Variants in PTPRD observed in about 807,000 individuals in gnomAD.
The protein encoded by PTPRD is protein tyrosine phosphatase receptor type D.
Under a neutral mutation model 214.5 loss-of-function variants are expected in PTPRD, and 34 were observed. The ratio of observed to expected loss-of-function variants is 0.16; its 90% CI spans 0.12 to 0.21. The LOEUF (loss-of-function observed/expected upper bound fraction) is 0.21, where lower values mean the gene tolerates loss of function less well. Ranked by LOEUF, PTPRD falls within the 10% of genes least tolerant of loss-of-function variation. PTPRD has a pLI of 1.00. For missense variants in PTPRD, 2,545 were observed against 2,398.7 expected, an observed-to-expected ratio of 1.06 and a Z score of -1.27; for synonymous variants, 1,128 against 845.7, an observed-to-expected ratio of 1.33 and a Z score of -5.79.
At chr9:10,112,986 T>C (rs771613714) in intron 3 of PTPRD, among the ~76,000 whole-genome samples, 2 of 152,182 alleles carry the variant, frequency 1.3e-5, no homozygotes, top group Non-Finnish European at 2.9e-5. Context: ...TGGCGATTCA[T>C]CCTGCCCAGA....
intron 26 of PTPRD, 80 bp from the exon 27 acceptor site, chr9:8,493,059 A>C: frequency 8.5e-7 from 1 of 1,176,800 alleles, no homozygotes; most frequent in Admixed American, 1.7e-5. Flanking sequence ...GTCTGCCTTC[A>C]TTCTGCAAAT....
At position 8,507,319 on chromosome 9, in the gene PTPRD, A is replaced by G. The variant is rs2097563166; in HGVS notation, c.1659T>C (p.Asp553=). 1 of 1,613,944 alleles carries G rather than the reference A, an allele frequency of 6.2e-7. No homozygotes were observed. Among genetic ancestry groups the G allele is most frequent in the East Asian group, 2.2e-5 (1 of 44,872 alleles). Reference sequence around the variant, plus strand: ...GTCTTACCTCCTCTCCATGCTCCCCATCTTTGTAGACCAGTTCATAGTTGG... The same window carrying G: ...GTCTTACCTCCTCTCCATGCTCCCCGTCTTTGTAGACCAGTTCATAGTTGG... ...TIANYELVYK[D]GEHGEEQRIT... Residue 553 remains aspartate (D), a synonymous_variant, in exon 22 of 46, where the codon GAT becomes GAC. Transcript: ENST00000381196.
intron 14 of PTPRD, 70 bp from the exon 15 acceptor site, chr9:8,528,849 G>A (rs2139498354): frequency 6.7e-6 from 10 of 1,482,766 alleles, no homozygotes; most frequent in Non-Finnish European, 8.4e-6. Context: ...AGATTCCCCA[G>A]AAATCTCTCT....
intron 11 of PTPRD, among the ~76,000 whole-genome samples, chr9:9,011,567 C>T (rs141440811): frequency 2.4e-4 from 36 of 152,186 alleles, no homozygotes; most frequent in African/African-American, 8.4e-4. Flanking sequence ...CATGCTATTC[C>T]CTGCCAGAGT....
intron 9 of PTPRD, among the ~76,000 whole-genome samples, chr9:9,363,918 A>G (rs1173049259): frequency 6.6e-6 from 1 of 151,446 alleles, no homozygotes; most frequent in Non-Finnish European, 1.5e-5. Context: ...TATTAATGAA[A>G]TTATAAAAAA....
intron 11 of PTPRD, among the ~76,000 whole-genome samples, chr9:8,880,938 T>C (rs531872030): frequency 6.6e-6 from 1 of 152,160 alleles, no homozygotes; most frequent in African/African-American, 2.4e-5. Context: ...AATATATGTA[T>C]ATATTTTTTG....
At position 8,485,578 on chromosome 9, in the gene PTPRD, C is replaced by T. The variant is rs1448508786; in HGVS notation, c.3055+184G>A. The T allele has an allele frequency of 2.0e-5, 13 of 658,314 alleles. 1 individual carries two copies. In the South Asian group the frequency reaches 2.6e-4, roughly 13 times the overall value. The allele number at this position is 658,314 out of a possible 1,614,324, so 40.8% of individuals were successfully genotyped here. A position where few individuals can be genotyped will look rare whatever the true frequency, so the allele number is the denominator to read the frequency against. On this transcript the variant is annotated intron_variant, in intron 28 of 45. Coordinates refer to ENST00000381196, the MANE Select transcript of PTPRD (RefSeq NM_002839.4). ...ATTGGGGTGCTGTCAGCCAGACTTGCTTGACATTCTATAACTGAAATCTAA... is the reference window on the plus strand; with the variant it reads ...ATTGGGGTGCTGTCAGCCAGACTTGTTTGACATTCTATAACTGAAATCTAA...
rs372972363 is a variant in PTPRD, at chr9:8,389,427, A to G, written c.4211-20T>C. ...GGATCCCTGGAAAACAAGGAGTGTT[A>G]TTCAACCAGGTGAGCACATCACAAG... On this transcript the variant is annotated intron_variant, in intron 36 of 45. Transcript: ENST00000381196. 7.6e-5 allele frequency: 121 copies of G among 1,595,804 alleles called. No individual in the cohort carries two copies. In the African/African-American group the frequency reaches 1.5e-3, roughly 20 times the overall value.
At chr9:8,929,865 A>G (rs2098937255) in intron 11 of PTPRD, among the ~76,000 whole-genome samples, 1 of 90,052 alleles carries the variant, frequency 1.1e-5, no homozygotes, top group South Asian at 3.9e-4. Flanking sequence ...ATGTGTATAT[A>G]CATGTGTGTG....
chr9:8,975,172 A>C (rs1337818401), intron 11 of PTPRD, among the ~76,000 whole-genome samples: 1 of 151,960 alleles, frequency 6.6e-6, no homozygotes, highest in Non-Finnish European at 1.5e-5. Flanking sequence ...GAATGGATAC[A>C]TATTGAATAT....
intron 3 of PTPRD, among the ~76,000 whole-genome samples, chr9:10,087,462 T>A (rs1161002459): frequency 6.6e-6 from 1 of 151,722 alleles, no homozygotes; most frequent in African/African-American, 2.4e-5. Flanking sequence ...TCAATATTGA[T>A]CCTTCAGAGT....
At chr9:8,569,990 T>A (rs2154230550) in intron 14 of PTPRD, among the ~76,000 whole-genome samples, 1 of 152,210 alleles carries the variant, frequency 6.6e-6, no homozygotes, top group Non-Finnish European at 1.5e-5. Flanking sequence ...AAAACCACAG[T>A]TTCCGTAATG....
intron 2 of PTPRD, among the ~76,000 whole-genome samples, chr9:10,459,852 A>C (rs1030745417): frequency 1.3e-5 from 2 of 151,730 alleles, no homozygotes; most frequent in Non-Finnish European, 1.5e-5. Context: ...ATTTTAATTA[A>C]ATATTTTAAA....
chr9:9,680,662 G>A (rs1348437028), intron 7 of PTPRD, among the ~76,000 whole-genome samples: 1 of 151,770 alleles, frequency 6.6e-6, no homozygotes, highest in Non-Finnish European at 1.5e-5. Flanking sequence ...GCTTGGAGGT[G>A]TGATTGCCTA....
At chr9:10,455,590 T>G (rs528626388) in intron 2 of PTPRD, among the ~76,000 whole-genome samples, 5 of 151,894 alleles carry the variant, frequency 3.3e-5, no homozygotes, top group African/African-American at 1.2e-4. Context: ...CTTTTGTTCG[T>G]GATCTCTCTC....
chr9:10,256,913 A>G (rs908966716), intron 3 of PTPRD, among the ~76,000 whole-genome samples: 3 of 152,136 alleles, frequency 2.0e-5, no homozygotes, highest in African/African-American at 7.2e-5. Context: ...TCTTAGTTCC[A>G]TCACTTCCTC....
chr9:10,368,657 G>C lies in PTPRD; in HGVS notation c.-599-27640C>G, dbSNP rs553648937. Among the ~76,000 whole-genome samples the C allele has an allele frequency of 4.6e-5, 7 of 152,120 alleles. No individual in the cohort carries two copies. In the East Asian group the frequency reaches 1.2e-3, roughly 25 times the overall value. ...TTTTAAAGGTAGGCTGTGATTACTA[G>C]ATATTAATCTCACTTATGGGAAGGA... On this transcript the variant is annotated intron_variant, in intron 2 of 45. Coordinates refer to ENST00000381196, the MANE Select transcript of PTPRD (RefSeq NM_002839.4).
At chr9:10,321,417 A>T (rs1412354623) in intron 3 of PTPRD, among the ~76,000 whole-genome samples, 1 of 152,062 alleles carries the variant, frequency 6.6e-6, no homozygotes, top group Non-Finnish European at 1.5e-5. Flanking sequence ...ACAAACAGAA[A>T]ACAGAATTAT....
At chr9:10,063,187 A>G (rs931159025) in intron 3 of PTPRD, among the ~76,000 whole-genome samples, 1 of 152,070 alleles carries the variant, frequency 6.6e-6, no homozygotes. Flanking sequence ...GCAAAGAAGA[A>G]TTGTGTAAAT....
Sources: gnomAD v4.1 joint callset for allele counts (sites outside exome capture counted in the v4.1 genomes callset) on GRCh38, gnomAD v4.1.1 for gene constraint, MANE v1.5 for transcripts, NCBI Gene and HGNC (gene_info 2026-07-23, HGNC 2026-07-21) for gene names.